RBMS3: variants seen among roughly 807,000 people sequenced by gnomAD.
RBMS3 encodes RNA-binding motif, single-stranded-interacting protein 3.
A neutral mutation model predicts 66.8 loss-of-function variants in RBMS3; 27 were observed. The observed-to-expected ratio is 0.40, with a 90% CI of 0.30 to 0.56. The LOEUF (loss-of-function observed/expected upper bound fraction) is 0.56, where lower values mean the gene tolerates loss of function less well. RBMS3 is among the 20% of genes least tolerant of loss of function. The pLI is 0.40. For missense variants in RBMS3, 513 were observed against 549.5 expected (o/e 0.93, Z 0.66); for synonymous variants, 188 against 183.0 (o/e 1.03, Z -0.22).
intron 12 of RBMS3, among the ~76,000 whole-genome samples, chr3:29,979,474 C>A (rs568689642): frequency 6.6e-6 from 1 of 152,106 alleles, no homozygotes; most frequent in African/African-American, 2.4e-5. Flanking sequence ...TTATTAAGTT[C>A]TGGGATACAT....
chr3:29,915,486 G>A (rs1213802296), intron 10 of RBMS3, among the ~76,000 whole-genome samples: 1 of 151,848 alleles, frequency 6.6e-6, no homozygotes, highest in Non-Finnish European at 1.5e-5. Context: ...TTTCTTCTCT[G>A]TTCTATTTGA....
intron 1 of RBMS3, among the ~76,000 whole-genome samples, chr3:29,409,389 TAGA>T (rs2040170149): frequency 6.6e-6 from 1 of 152,148 alleles, no homozygotes. Context: ...CCTCCCTCTC[TAGA>T]AGGATATTCT....
At chr3:29,379,331 A>T (rs1023365698) in intron 1 of RBMS3, among the ~76,000 whole-genome samples, 7 of 152,186 alleles carry the variant, frequency 4.6e-5, no homozygotes, top group African/African-American at 1.7e-4. Context: ...TTTTAAGTTG[A>T]TAAGAAGTTA....
At chr3:29,729,099 C>T (rs2054010162) in intron 4 of RBMS3, among the ~76,000 whole-genome samples, 1 of 149,558 alleles carries the variant, frequency 6.7e-6, no homozygotes, top group Non-Finnish European at 1.5e-5. Flanking sequence ...TTGTCATTTA[C>T]ATTAGGTATT....
At chr3:29,309,382 T>G (rs1000780569) in intron 1 of RBMS3, among the ~76,000 whole-genome samples, 1 of 151,812 alleles carries the variant, frequency 6.6e-6, no homozygotes, top group African/African-American at 2.4e-5. Flanking sequence ...TATTTAGATT[T>G]AATAATATTA....
intron 6 of RBMS3, among the ~76,000 whole-genome samples, chr3:29,821,515 T>A (rs1190779998): frequency 6.6e-6 from 1 of 152,148 alleles, no homozygotes. Flanking sequence ...AGCATAGGCT[T>A]ATAAAGAAAC....
intron 12 of RBMS3, among the ~76,000 whole-genome samples, chr3:29,980,504 G>T (rs1697913939): frequency 6.6e-6 from 1 of 152,126 alleles, no homozygotes; most frequent in African/African-American, 2.4e-5. Flanking sequence ...TGAAGTCTTT[G>T]CCTATGCCTA....
At chr3:29,697,101 T>C (rs1450535693) in intron 4 of RBMS3, 5 of 985,182 alleles carry the variant, frequency 5.1e-6, no homozygotes, top group Non-Finnish European at 6.0e-6. Flanking sequence ...GACAAGGTAA[T>C]ATAAACAGGC....
intron 1 of RBMS3, among the ~76,000 whole-genome samples, chr3:29,302,085 C>T (rs887997698): frequency 6.6e-6 from 1 of 152,036 alleles, no homozygotes; most frequent in Non-Finnish European, 1.5e-5. Context: ...TCATGGCTCA[C>T]TGCAGCCTTG....
chr3:29,842,753 G>C (rs778904567), intron 6 of RBMS3, among the ~76,000 whole-genome samples: 10 of 152,060 alleles, frequency 6.6e-5, no homozygotes, highest in Non-Finnish European at 1.3e-4. Flanking sequence ...GTTATAAGAG[G>C]GAAACAAGAA....
At chr3:29,994,474 A>G (rs375884125) in intron 14 of RBMS3, among the ~76,000 whole-genome samples, 1,562 of 152,280 alleles carry the variant, frequency 0.01, 32 homozygotes, top group African/African-American at 0.035. Flanking sequence ...ACCTCTGGGG[A>G]CAGGGCACAG....
At chr3:29,497,674 A>G (rs1214814905) in intron 3 of RBMS3, among the ~76,000 whole-genome samples, 1 of 152,138 alleles carries the variant, frequency 6.6e-6, no homozygotes, top group African/African-American at 2.4e-5. Context: ...CAAAGATCTA[A>G]GGATACCCCA....
intron 4 of RBMS3, among the ~76,000 whole-genome samples, chr3:29,595,036 G>A (rs1415042467): frequency 7.2e-5 from 11 of 152,142 alleles, no homozygotes; most frequent in Non-Finnish European, 1.6e-4. Flanking sequence ...CTTAAACTGG[G>A]ATCCCTACTA....
chr3:29,643,544 G>A (rs2049804658), intron 4 of RBMS3, among the ~76,000 whole-genome samples: 1 of 152,132 alleles, frequency 6.6e-6, no homozygotes, highest in African/African-American at 2.4e-5. Flanking sequence ...CAGCAGAGGA[G>A]GAAGGGTACA....
At chr3:29,444,041 T>C (rs2125744443) in intron 2 of RBMS3, among the ~76,000 whole-genome samples, 1 of 152,248 alleles carries the variant, frequency 6.6e-6, no homozygotes, top group East Asian at 1.9e-4. Flanking sequence ...TTTGAGACTG[T>C]ATTATACATC....
At chr3:29,537,045 GATGGAAA>G (rs1217709095) in intron 3 of RBMS3, among the ~76,000 whole-genome samples, 1 of 152,158 alleles carries the variant, frequency 6.6e-6, no homozygotes, top group African/African-American at 2.4e-5. Context: ...TTCTTGAAAT[GATGGAAA>G]ATGATGGCTT....
chr3:29,484,299 A>T (rs116787044), intron 2 of RBMS3, among the ~76,000 whole-genome samples: 1 of 152,192 alleles, frequency 6.6e-6, no homozygotes, highest in Non-Finnish European at 1.5e-5. Context: ...TCATGAAAAT[A>T]TATTTTCTCA....
chr3:29,380,825 A>G (rs1476235515), intron 1 of RBMS3, among the ~76,000 whole-genome samples: 2 of 152,220 alleles, frequency 1.3e-5, no homozygotes, highest in African/African-American at 2.4e-5. Flanking sequence ...TGAAAAACCT[A>G]TAGACCACTT....
chr3:29,821,449 C>A (rs2058073680), intron 6 of RBMS3, among the ~76,000 whole-genome samples: 1 of 152,030 alleles, frequency 6.6e-6, no homozygotes, highest in Admixed American at 6.6e-5. Flanking sequence ...ACATGACTCC[C>A]AAAACAAAGT....
Sources: allele counts gnomAD v4.1 joint callset (sites outside exome capture counted in the v4.1 genomes callset), GRCh38; gene constraint gnomAD v4.1.1; transcripts MANE v1.5; gene names NCBI Gene and HGNC (gene_info 2026-07-23, HGNC 2026-07-21).